Variants in ITGA9 observed in about 807,000 individuals in gnomAD.
The protein encoded by ITGA9 is integrin subunit alpha 9.
In ITGA9, 56 loss-of-function variants were observed where a neutral mutation model predicts 127.8. That is an observed-to-expected ratio of 0.44 (90% CI 0.35 to 0.55). The LOEUF is 0.55. ITGA9 is among the 20% of genes least tolerant of loss of function. The pLI is 0.00. For missense variants in ITGA9, 1,196 were observed against 1,347.1 expected (o/e 0.89, Z 1.76); for synonymous variants, 508 against 514.5 (o/e 0.99, Z 0.17).
Position 37,503,174 on chromosome 3 carries a change from G to A in ITGA9, c.613-4G>A. ...CTGCTTACCGTTGGATTTCTTTTTG[G>A]TAGGAGCTGGTGGTGATGGGTGCTC... On this transcript the variant is annotated splice_polypyrimidine_tract_variant and splice_region_variant and intron_variant, in intron 5 of 27. Coordinates refer to ENST00000264741, the MANE Select transcript of ITGA9 (RefSeq NM_002207.3). 1 of 1,613,634 alleles carries A rather than the reference G, an allele frequency of 6.2e-7. No individual in the cohort carries two copies. Among genetic ancestry groups the A allele is most frequent in the South Asian group, 1.1e-5 (1 of 91,034 alleles).
intron 21 of ITGA9, 82 bp from the exon 22 acceptor site, chr3:37,743,844 A>C: frequency 2.1e-6 from 2 of 956,852 alleles, no homozygotes; most frequent in Non-Finnish European, 3.4e-6. Context: ...AATTGAGACA[A>C]ATGTTTGCTT....
chr3:37,521,360 A>C (rs1343016166), intron 11 of ITGA9, among the ~76,000 whole-genome samples: 3 of 152,124 alleles, frequency 2.0e-5, no homozygotes, highest in Non-Finnish European at 4.4e-5. Flanking sequence ...GTAAATTGTG[A>C]GATCAGGGCC....
chr3:37,540,073 G>A (rs958744289), intron 14 of ITGA9, among the ~76,000 whole-genome samples: 2 of 152,200 alleles, frequency 1.3e-5, no homozygotes, highest in Non-Finnish European at 2.9e-5. Context: ...GGATATGGGT[G>A]GGGGAGCAAT....
At position 37,750,541 on chromosome 3, in the gene ITGA9, C is replaced by A. The variant is rs757498056; in HGVS notation, c.2513C>A (p.Ala838Glu). The A allele has an allele frequency of 6.2e-7, 1 of 1,612,698 alleles. No homozygotes were observed. The highest frequency in any genetic ancestry group is 8.5e-7 in the Non-Finnish European group (1 of 1,178,666). The change falls in exon 23 of 28, where the codon GCA becomes GAA. Residue 838 changes from alanine to glutamate, a missense_variant. By Grantham distance (107) the Ala-to-Glu change is moderately radical. Coordinates refer to ENST00000264741, the MANE Select transcript of ITGA9 (RefSeq NM_002207.3). ...CCTAATCGACTCTCATCTGGTGGTG[C>A]AGAGATGTTTCATGTCCAGGAAATG... ...SFPNRLSSGGAEMFHVQEMVV... is the reference protein window; with the variant it reads ...SFPNRLSSGGEEMFHVQEMVV...
Position 37,597,889 on chromosome 3 carries a change from C to T in ITGA9, c.1690-31298C>T, listed in dbSNP as rs1006056869. On this transcript the variant is annotated intron_variant, in intron 15 of 27. Transcript: ENST00000264741. This position sits in a 1 kb window ranked among gnomAD's most constrained non-coding sequence, Gnocchi z 4.6. ...TGGGGTGACTGGGGCAACTCAGCAC[C>T]GCTCCATGCATATCTCACTGTCCAA... Among the ~76,000 whole-genome samples, 5 of 152,146 alleles carry T rather than the reference C, an allele frequency of 3.3e-5. No homozygotes were observed. Among genetic ancestry groups the T allele is most frequent in the South Asian group, 2.1e-4 (1 of 4,820 alleles).
intron 15 of ITGA9, among the ~76,000 whole-genome samples, chr3:37,617,459 A>G (rs913984324): frequency 1.3e-5 from 2 of 152,060 alleles, no homozygotes; most frequent in African/African-American, 2.4e-5. Context: ...GCTCTTCTCG[A>G]GGAGTATCTT....
intron 23 of ITGA9, among the ~76,000 whole-genome samples, chr3:37,765,475 C>A (rs1448709010): frequency 6.6e-6 from 1 of 152,182 alleles, no homozygotes; most frequent in South Asian, 2.1e-4. Flanking sequence ...TTTTCTTTTG[C>A]ATTTTCTTCT....
At chr3:37,702,254 G>A (rs953095145) in intron 18 of ITGA9, among the ~76,000 whole-genome samples, 1 of 152,206 alleles carries the variant, frequency 6.6e-6, no homozygotes, top group African/African-American at 2.4e-5. Context: ...CTCAGCCCCA[G>A]GACGGTGCAG....
At chr3:37,502,316 G>A (rs1023457157) in intron 5 of ITGA9, among the ~76,000 whole-genome samples, 4 of 149,164 alleles carry the variant, frequency 2.7e-5, no homozygotes, top group Admixed American at 6.8e-5. Context: ...CCGGGTTCAA[G>A]CGATTTTCCT....
intron 16 of ITGA9, among the ~76,000 whole-genome samples, chr3:37,650,500 C>A (rs953753260): frequency 5.3e-5 from 8 of 152,004 alleles, no homozygotes; most frequent in African/African-American, 1.9e-4. Flanking sequence ...TGGTTGGTCT[C>A]GGCTCACTGC....
chr3:37,578,562 C>G (rs1020648730), intron 15 of ITGA9, among the ~76,000 whole-genome samples: 1 of 152,186 alleles, frequency 6.6e-6, no homozygotes, highest in Non-Finnish European at 1.5e-5. Context: ...CACAGTGGTC[C>G]CTCGGCTTCA....
intron 11 of ITGA9, among the ~76,000 whole-genome samples, chr3:37,520,533 A>G (rs1457043809): frequency 6.6e-6 from 1 of 152,232 alleles, no homozygotes; most frequent in African/African-American, 2.4e-5. Flanking sequence ...CCACATTGCA[A>G]AAAGGAACGC....
intron 21 of ITGA9, among the ~76,000 whole-genome samples, chr3:37,742,634 G>A (rs760059175): frequency 2.0e-5 from 3 of 152,192 alleles, no homozygotes; most frequent in Non-Finnish European, 2.9e-5. Context: ...TGACCCAAAT[G>A]CAAGCTGAAC....
intron 26 of ITGA9, among the ~76,000 whole-genome samples, 184 bp downstream of exon 26, chr3:37,785,262 C>G (rs969491263): frequency 7.2e-5 from 11 of 152,192 alleles, no homozygotes; most frequent in African/African-American, 2.7e-4. Context: ...GTGGTTCGTT[C>G]TTGTGATAGC....
intron 18 of ITGA9, among the ~76,000 whole-genome samples, chr3:37,693,712 G>C: frequency 6.6e-6 from 1 of 152,182 alleles, no homozygotes; most frequent in Non-Finnish European, 1.5e-5. Flanking sequence ...CTGGGCAGGA[G>C]AACAAAGCAA....
intron 23 of ITGA9, among the ~76,000 whole-genome samples, chr3:37,767,089 C>A (rs558724685): frequency 6.6e-6 from 1 of 152,162 alleles, no homozygotes; most frequent in Admixed American, 6.5e-5. Flanking sequence ...GCCTGTCACA[C>A]GCAAAGGAAG....
intron 16 of ITGA9, among the ~76,000 whole-genome samples, chr3:37,649,213 A>G (rs930989210): frequency 6.6e-6 from 1 of 152,156 alleles, no homozygotes; most frequent in South Asian, 2.1e-4. Context: ...AAATGGCAAT[A>G]GTAAATCTGT....
Position 37,642,863 on chromosome 3 carries a change from A to G in ITGA9, c.1840-10851A>G, listed in dbSNP as rs1373536193. Among the ~76,000 whole-genome samples, 5 of 152,256 alleles carry G rather than the reference A, an allele frequency of 3.3e-5. No individual in the cohort carries two copies. The East Asian group carries it at 9.6e-4, about 29-fold the overall frequency. ...CACCCCTCAATGCATGCATATAGGA[A>G]TATAGCTCATGCTATGGAAATCCAC... On this transcript the variant is annotated intron_variant, in intron 16 of 27. Transcript: ENST00000264741.
intron 13 of ITGA9, among the ~76,000 whole-genome samples, chr3:37,532,821 T>G (rs1312560606): frequency 6.6e-6 from 1 of 152,200 alleles, no homozygotes; most frequent in Non-Finnish European, 1.5e-5. Context: ...TTGGTGGAGG[T>G]AAATGATGCA....
Sources: gnomAD v4.1 joint callset for allele counts (sites outside exome capture counted in the v4.1 genomes callset) on GRCh38, gnomAD v4.1.1 for gene constraint, Gnocchi (gnomAD v3.1) non-coding constraint, MANE v1.5 for transcripts, NCBI Gene and HGNC (gene_info 2026-07-23, HGNC 2026-07-21) for gene names.